The following RINT1 variants were observed in gnomAD, a reference collection of about 807,000 sequenced individuals.
RINT1 encodes RAD50-interacting protein 1.
Under a neutral mutation model 97.7 loss-of-function variants are expected in RINT1, and 75 were observed. The observed-to-expected ratio is 0.77, with a 90% CI of 0.64 to 0.93. RINT1 has a LOEUF of 0.93. RINT1 is among the 40% of genes least tolerant of loss of function. The pLI, the probability that RINT1 is intolerant of heterozygous loss-of-function variation, is 0.00. For synonymous variants in RINT1, 303 were observed against 326.3 expected (o/e 0.93, Z 0.77); for missense variants, 892 against 925.2 (o/e 0.96, Z 0.47).
At position 105,550,160 on chromosome 7, in the gene RINT1, G is replaced by A. The variant is rs545894353; in HGVS notation, c.1102G>A (p.Ala368Thr). The A allele has an allele frequency of 6.8e-6, 11 of 1,610,932 alleles. No individual in the cohort carries two copies. The highest frequency in any genetic ancestry group is 2.2e-5 in the East Asian group (1 of 44,864). Residue 368 changes from alanine to threonine, a missense_variant, in exon 8 of 15, where the codon GCA becomes ACA. Transcript: ENST00000257700. ...AGACAAAGTAGGCTCTTTGGTAAAC[G>A]CAAGGGTAAGAGACTCAGTCATAAG... ...ILDKVGSLVN[A>T]RLEFSRGLMM...
chr7:105,549,787 C>T (rs1375472643), intron 7 of RINT1, among the ~76,000 whole-genome samples: 1 of 152,058 alleles, frequency 6.6e-6, no homozygotes, highest in East Asian at 1.9e-4. Context: ...TATTGAAGTG[C>T]TAGGTTTTAA....
chr7:105,546,002 G>A (rs1188861446), intron 4 of RINT1, among the ~76,000 whole-genome samples: 2 of 130,320 alleles, frequency 1.5e-5, no homozygotes, highest in Non-Finnish European at 3.2e-5. Flanking sequence ...TGGGGGATGG[G>A]GAAGGGGGGG....
Position 105,563,916 on chromosome 7 carries a change from A to C in RINT1, c.1855A>C (p.Lys619Gln), listed in dbSNP as rs774446801. Residue 619 changes from lysine (K) to glutamine (Q), a missense_variant, in exon 12 of 15, where the codon AAA (lysine) becomes CAA (glutamine). Transcript: ENST00000257700. ...RQVDHVFREV[K>Q]DAAKLYKKER... is the part of the protein sequence containing the mutation. ...AGTAGACCACGTTTTTAGAGAAGTT[A>C]AAGATGCTGCAAAATTGTATAAAAA... 8 of 1,614,008 alleles carry C rather than the reference A, an allele frequency of 5.0e-6. No homozygotes were observed. Among genetic ancestry groups the C allele is most frequent in the Non-Finnish European group, 6.8e-6 (8 of 1,179,980 alleles).
At position 105,535,035 on chromosome 7, in the gene RINT1, T is replaced by C. The variant is rs573351578; in HGVS notation, c.89-1530T>C. Among the ~76,000 whole-genome samples the C allele has an allele frequency of 2.0e-5, 3 of 152,258 alleles. No homozygotes were observed. The East Asian group carries it at 5.8e-4, about 29-fold the overall frequency. On this transcript the variant is annotated intron_variant, in intron 2 of 14. Coordinates refer to ENST00000257700, the MANE Select transcript of RINT1 (RefSeq NM_021930.6). ...GATATTAATATTAATAAGCCTAATG[T>C]GTATTGGACTTATTAAATGTCACAA...
At chr7:105,560,517 T>C (rs1791392890) in intron 11 of RINT1, among the ~76,000 whole-genome samples, 1 of 152,178 alleles carries the variant, frequency 6.6e-6, no homozygotes, top group African/African-American at 2.4e-5. Flanking sequence ...TAGGTTCATG[T>C]TGGGTAGTCA....
In RINT1 at chr7:105,536,693, A is replaced by T. The variant is rs770161244; in HGVS notation, c.217A>T (p.Lys73Ter). Residue 73 changes from lysine (K) to a stop codon, truncating the protein, a stop_gained, in exon 3 of 15, where the codon AAA becomes TAA. Coordinates refer to ENST00000257700, the MANE Select transcript of RINT1 (RefSeq NM_021930.6). LOFTEE classifies it high-confidence loss of function. Reference sequence around the variant, plus strand: ...TGGAAATGACCTTAAATCTTTAAAGAAACTTGATAAACTCATAGAACAGAG... The same window carrying T: ...TGGAAATGACCTTAAATCTTTAAAGTAACTTGATAAACTCATAGAACAGAG... ...EVGNDLKSLK[K>*]LDKLIEQRTV... 2 of 1,612,680 alleles carry T rather than the reference A, an allele frequency of 1.2e-6. No individual in the cohort carries two copies. Among genetic ancestry groups the T allele is most frequent in the Non-Finnish European group, 8.5e-7 (1 of 1,179,348 alleles).
chr7:105,544,371 A>G (rs1390550943), intron 4 of RINT1, among the ~76,000 whole-genome samples: 2 of 151,980 alleles, frequency 1.3e-5, no homozygotes, highest in Non-Finnish European at 2.9e-5. Context: ...AATTAGGTCC[A>G]TGGTTATTGA....
chr7:105,546,900 T>C lies in RINT1; in HGVS notation c.516-10T>C. The C allele has an allele frequency of 6.3e-7, 1 of 1,579,094 alleles. No homozygotes were observed. Among genetic ancestry groups the C allele is most frequent in the East Asian group, 2.2e-5 (1 of 44,600 alleles). ...AAAAGAAAAAAAAATTTGCTTTACT[T>C]TGTTTACAGTGATAACATTCAGCAA... On this transcript the variant is annotated splice_polypyrimidine_tract_variant and intron_variant, in intron 4 of 14. Transcript: ENST00000257700.
At chr7:105,537,286 C>T (rs1028093415) in intron 3 of RINT1, among the ~76,000 whole-genome samples, 1 of 141,948 alleles carries the variant, frequency 7.0e-6, no homozygotes, top group Admixed American at 7.1e-5. Context: ...ATGTGTCACC[C>T]TGCCCAGCTA....
chr7:105,547,041 C>T lies in RINT1; in HGVS notation c.647C>T (p.Thr216Ile). 1 of 1,613,778 alleles carries T rather than the reference C, an allele frequency of 6.2e-7. No homozygotes were observed. Among genetic ancestry groups the T allele is most frequent in the Non-Finnish European group, 8.5e-7 (1 of 1,179,894 alleles). Residue 216 changes from threonine (T) to isoleucine (I), a missense_variant, in exon 5 of 15, where the codon ACA becomes ATA. Coordinates refer to ENST00000257700, the MANE Select transcript of RINT1 (RefSeq NM_021930.6). ...CATCTTCTTGGTTTCATGAGAGCCA[C>T]AGTTAAATTCTGGCATAAAATTCTC... ...CTHLLGFMRA[T>I]VKFWHKILKD...
intron 11 of RINT1, among the ~76,000 whole-genome samples, chr7:105,558,951 C>CA (rs944509960): frequency 4.6e-5 from 7 of 151,650 alleles, no homozygotes; most frequent in African/African-American, 1.7e-4. Flanking sequence ...CTCCCCCCGC[C>CA]AAAAAAAGAA....
Position 105,551,674 on chromosome 7 carries a change from GA to G in RINT1, c.1441del (p.Thr481LeufsTer3). The G allele has an allele frequency of 6.2e-7, 1 of 1,611,782 alleles. No individual in the cohort carries two copies. The highest frequency in any genetic ancestry group is 2.2e-5 in the East Asian group (1 of 44,816). ...VDEMKVPDCA[E>X]TFMTLLLVIT... ...TGAAATGAAAGTTCCAGATTGTGCA[GA>G]AACTTTTATGACTCTACTCTTGGTT... is the stretch of plus-strand genomic sequence containing the variant. On this transcript the variant is annotated frameshift_variant, in exon 10 of 15. Transcript: ENST00000257700. LOFTEE classifies it high-confidence loss of function.
At chr7:105,559,676 C>T (rs1418751018) in intron 11 of RINT1, among the ~76,000 whole-genome samples, 3 of 151,770 alleles carry the variant, frequency 2.0e-5, no homozygotes, top group East Asian at 1.9e-4. Flanking sequence ...GCCAAAATTG[C>T]GCCGTTGCGC....
At chr7:105,552,650 A>G (rs1394924886) in intron 10 of RINT1, among the ~76,000 whole-genome samples, 1 of 144,148 alleles carries the variant, frequency 6.9e-6, no homozygotes, top group Non-Finnish European at 1.5e-5. Context: ...ATTCCAGCCC[A>G]GTCAGTAAAT....
In RINT1 at chr7:105,565,356, C is replaced by G. The variant is rs780062646; in HGVS notation, c.1966C>G (p.Arg656Gly). 5.0e-6 allele frequency: 8 copies of G among 1,614,050 alleles called. No homozygotes were observed. The African/African-American group carries it at 5.3e-5, about 11-fold the overall frequency. ...GGCTTGCCCGTTGCTGCTGACGTTA[C>G]GAGACCATTTACTTCAGTTGGAGCA... ...SSACPLLLTL[R>G]DHLLQLEQQL... Residue 656 changes from arginine (R) to glycine (G), a missense_variant, in exon 13 of 15, where the codon CGA becomes GGA. Coordinates refer to ENST00000257700, the MANE Select transcript of RINT1 (RefSeq NM_021930.6).
At chr7:105,556,520 CT>C (rs1176047287) in intron 11 of RINT1, among the ~76,000 whole-genome samples, 1 of 146,256 alleles carries the variant, frequency 6.8e-6, no homozygotes, top group Non-Finnish European at 1.5e-5. Flanking sequence ...GGTAAGAACT[CT>C]TTTAAAAAAA....
At chr7:105,535,421 G>A (rs1026310466) in intron 2 of RINT1, among the ~76,000 whole-genome samples, 8 of 151,818 alleles carry the variant, frequency 5.3e-5, no homozygotes, top group African/African-American at 1.9e-4. Context: ...GTAGAGACAG[G>A]TTTTCACCAT....
At chr7:105,551,826 G>C in intron 10 of RINT1, 119 bp downstream of exon 10, 1 of 763,382 alleles carries the variant, frequency 1.3e-6, no homozygotes, top group South Asian at 2.6e-5. Context: ...AGCACTTTGA[G>C]AGGCTGAGAC....
At chr7:105,559,480 G>A (rs1434862000) in intron 11 of RINT1, among the ~76,000 whole-genome samples, 3 of 137,078 alleles carry the variant, frequency 2.2e-5, no homozygotes, top group Admixed American at 1.6e-4. Flanking sequence ...GGTGGAGGTT[G>A]CAGTGAGCTG....
Sources: gnomAD v4.1 joint callset for allele counts (sites outside exome capture counted in the v4.1 genomes callset) on GRCh38, gnomAD v4.1.1 for gene constraint, MANE v1.5 for transcripts, NCBI Gene and HGNC (gene_info 2026-07-23, HGNC 2026-07-21) for gene names.